The following IGLL5 variants were observed in gnomAD, a reference collection of about 807,000 sequenced individuals.
The protein encoded by IGLL5 is immunoglobulin lambda like polypeptide 5, also known as immunoglobulin lambda-like polypeptide 5.
A neutral mutation model predicts 20.9 loss-of-function variants in IGLL5; 30 were observed. That is an observed-to-expected ratio of 1.44 (90% confidence interval 1.07 to 1.95). The LOEUF (loss-of-function observed/expected upper bound fraction) is 1.95. Among genes scored for constraint, IGLL5 ranks in the 30% most tolerant of loss-of-function variants. The pLI, the probability that IGLL5 is intolerant of heterozygous loss-of-function variation, is 0.00. For synonymous variants in IGLL5, 203 were observed against 117.3 expected, an observed-to-expected ratio of 1.73 and a Z score of -4.72; for missense variants, 475 against 270.7, an observed-to-expected ratio of 1.75 and a Z score of -5.30.
At chr22:22,888,354 G>C (rs533017778) in intron 1 of IGLL5, 95 bp downstream of exon 1, 12 of 1,175,020 alleles carry the variant, frequency 1.0e-5, no homozygotes, top group Middle Eastern at 2.9e-4. Flanking sequence ...TGAGGAGGAA[G>C]GTTAACCCCT....
At chr22:22,894,132 T>C (rs746088542) in intron 2 of IGLL5, among the ~76,000 whole-genome samples, 1 of 151,482 alleles carries the variant, frequency 6.6e-6, no homozygotes, top group Admixed American at 6.6e-5. Context: ...GGCCCTGCAG[T>C]GTCCTTAGGG....
intron 1 of IGLL5, among the ~76,000 whole-genome samples, chr22:22,889,180 A>T (rs2067693813): frequency 6.6e-6 from 1 of 151,062 alleles, no homozygotes; most frequent in Admixed American, 6.6e-5. Flanking sequence ...GGTGATGGCC[A>T]AGTCCAGGGT....
At chr22:22,891,540 G>A (rs1225349273) in intron 1 of IGLL5, among the ~76,000 whole-genome samples, 1 of 151,144 alleles carries the variant, frequency 6.6e-6, no homozygotes, top group Admixed American at 6.6e-5. Context: ...TTGGACTGCA[G>A]AATTGGTTCT....
intron 2 of IGLL5, among the ~76,000 whole-genome samples, chr22:22,894,169 A>T (rs568876016): frequency 2.6e-5 from 4 of 151,462 alleles, no homozygotes; most frequent in Admixed American, 6.6e-5. Context: ...CCTGGGGTCA[A>T]GGACAGAGGC....
rs554150136 is a variant in IGLL5 at position 22,888,246 on chromosome 22, A to T, written c.193A>T (p.Ser65Cys). 1.9e-6 allele frequency: 3 copies of T among 1,547,710 alleles called. No individual in the cohort carries two copies. Among genetic ancestry groups the T allele is most frequent in the East Asian group, 2.5e-5 (1 of 40,604 alleles). ...TGGAAGCAGCCGATCCAGCCTGCGG[A>T]GCCTGTGGGGCAGGTAAGGGGCAAG... is the stretch of plus-strand genomic sequence containing the variant. ...SVGSSRSSLR[S>C]LWGRLLLQPS... The change falls in exon 1 of 3, where the codon AGC becomes TGC. Residue 65 changes from serine (S) to cysteine (C), a missense_variant. By Grantham distance (112) the Ser-to-Cys change is moderately radical. Transcript: ENST00000526893.
chr22:22,894,077 C>G (rs1601623258), intron 2 of IGLL5, among the ~76,000 whole-genome samples: 1 of 151,454 alleles, frequency 6.6e-6, no homozygotes, highest in Admixed American at 6.6e-5. Context: ...TCCTCTCTTC[C>G]AGGGCAGATG....
At chr22:22,892,923 G>A (rs957537097) in intron 1 of IGLL5, among the ~76,000 whole-genome samples, 2 of 151,046 alleles carry the variant, frequency 1.3e-5, no homozygotes, top group South Asian at 4.2e-4. Flanking sequence ...AGAGTGACTA[G>A]AAAGAAAACC....
intron 1 of IGLL5, among the ~76,000 whole-genome samples, chr22:22,888,644 C>A (rs1601602746): frequency 6.6e-6 from 1 of 151,316 alleles, no homozygotes; most frequent in East Asian, 2.0e-4. Flanking sequence ...CTCCTCCTCT[C>A]TGCCCATGTG....
In IGLL5 at chr22:22,895,826, A is replaced by C; in HGVS notation, c.*132A>C. On this transcript the variant is annotated 3_prime_UTR_variant, in exon 3 of 3. Coordinates refer to ENST00000526893, the MANE Select transcript of IGLL5 (RefSeq NM_001178126.2). Reference sequence around the variant, plus strand: ...AACCCCAATAAATATCCTCATTGACAACCAGAAATCTTGTTTTATCTCATT... The same window carrying C: ...AACCCCAATAAATATCCTCATTGACCACCAGAAATCTTGTTTTATCTCATT... 1 of 866,186 alleles carries C rather than the reference A, an allele frequency of 1.2e-6. No individual in the cohort carries two copies. Among genetic ancestry groups the C allele is most frequent in the Non-Finnish European group, 1.9e-6 (1 of 533,286 alleles). 53.7% of individuals were successfully genotyped at this position (866,186 alleles called of 1,614,324 possible).
At chr22:22,894,476 A>T (rs527669441) in intron 2 of IGLL5, among the ~76,000 whole-genome samples, 2 of 151,432 alleles carry the variant, frequency 1.3e-5, no homozygotes, top group Non-Finnish European at 2.9e-5. Flanking sequence ...GAAAGGAGAC[A>T]GTCTCTTAGG....
chr22:22,888,478 C>T (rs143875024), intron 1 of IGLL5, among the ~76,000 whole-genome samples: 8 of 151,334 alleles, frequency 5.3e-5, no homozygotes, highest in East Asian at 4.0e-4. Context: ...TTCTTGATTT[C>T]TGAGTTTTCT....
At chr22:22,894,196 G>C in intron 2 of IGLL5, among the ~76,000 whole-genome samples, 1 of 151,460 alleles carries the variant, frequency 6.6e-6, no homozygotes, top group Non-Finnish European at 1.5e-5. Flanking sequence ...GGTGGGCCTG[G>C]GAGCTGCTGA....
At position 22,888,108 on chromosome 22, in the gene IGLL5, G is replaced by C; in HGVS notation, c.55G>C (p.Gly19Arg). 1.9e-6 allele frequency: 3 copies of C among 1,549,488 alleles called. No individual in the cohort carries two copies. Among genetic ancestry groups the C allele is most frequent in the Non-Finnish European group, 2.6e-6 (3 of 1,146,676 alleles). The change falls in exon 1 of 3, where the codon GGT (glycine) becomes CGT (arginine). Residue 19 changes from glycine (G) to arginine (R), a missense_variant. Gly to Arg is a moderately radical substitution (Grantham distance 125). Coordinates refer to ENST00000526893, the MANE Select transcript of IGLL5 (RefSeq NM_001178126.2). The part of the protein sequence containing the change: ...GCETPEELGP[G>R]PRQRWPLLLL... ...TGAGACCCCTGAGGAGCTGGGCCCTGGTCCCAGGCAGCGCTGGCCCCTGCT... is the reference window on the plus strand; with the variant it reads ...TGAGACCCCTGAGGAGCTGGGCCCTCGTCCCAGGCAGCGCTGGCCCCTGCT...
intron 1 of IGLL5, 77 bp from the exon 2 acceptor site, chr22:22,893,623 G>A (rs1442044780): frequency 1.5e-5 from 13 of 839,572 alleles, no homozygotes; most frequent in East Asian, 8.0e-5. Context: ...ACACCTCTAG[G>A]GGGCTGGCCA....
In IGLL5 at chr22:22,893,821, A is replaced by T. The variant is rs111377910; in HGVS notation, c.325+3A>T. 12 of 1,589,224 alleles carry T rather than the reference A, an allele frequency of 7.6e-6. No homozygotes were observed. The highest frequency in any genetic ancestry group is 4.5e-5 in the East Asian group (2 of 44,524). On this transcript the variant is annotated splice_donor_region_variant and intron_variant, in intron 2 of 2. Coordinates refer to ENST00000526893, the MANE Select transcript of IGLL5 (RefSeq NM_001178126.2). The stretch of plus-strand genomic sequence containing the variant: ...TGGGACCAAGGTCACCGTCCTAGGT[A>T]AGTGGCTCTCAACCTTTCCCAGCCT...
intron 2 of IGLL5, among the ~76,000 whole-genome samples, chr22:22,894,532 G>C (rs139463253): frequency 2.0e-5 from 3 of 151,582 alleles, no homozygotes; most frequent in Non-Finnish European, 4.4e-5. Flanking sequence ...CTGGGGCCCA[G>C]TGTCTCTCTG....
chr22:22,888,170 G>T lies in IGLL5; in HGVS notation c.117G>T (p.Leu39=). 1.3e-6 allele frequency: 2 copies of T among 1,549,180 alleles called. No individual in the cohort carries two copies. Among genetic ancestry groups the T allele is most frequent in the Non-Finnish European group, 1.7e-6 (2 of 1,146,638 alleles). Residue 39 remains leucine, a synonymous_variant, in exon 1 of 3, where the codon CTG becomes CTT. Coordinates refer to ENST00000526893, the MANE Select transcript of IGLL5 (RefSeq NM_001178126.2). ...TGGCCATGGTCGCCCATGGCCTGCTGCGCCCAATGGTTGCACCGCAAAGCG... is the reference window on the plus strand; with the variant it reads ...TGGCCATGGTCGCCCATGGCCTGCTTCGCCCAATGGTTGCACCGCAAAGCG... ...LGLAMVAHGL[L]RPMVAPQSGD...
chr22:22,888,114 A>G lies in IGLL5; in HGVS notation c.61A>G (p.Arg21Gly), dbSNP rs772487297. Residue 21 changes from arginine (R) to glycine (G), a missense_variant, in exon 1 of 3, where the codon AGG becomes GGG. Transcript: ENST00000526893. ...CCCTGAGGAGCTGGGCCCTGGTCCC[A>G]GGCAGCGCTGGCCCCTGCTGCTGCT... ...ETPEELGPGP[R>G]QRWPLLLLGL... 4 of 1,549,470 alleles carry G rather than the reference A, an allele frequency of 2.6e-6. No homozygotes were observed. The highest frequency in any genetic ancestry group is 1.4e-5 in the African/African-American group (1 of 72,848).
At chr22:22,893,617 C>T in intron 1 of IGLL5, 83 bp from the exon 2 acceptor site, 1 of 790,450 alleles carries the variant, frequency 1.3e-6, no homozygotes, top group Non-Finnish European at 2.1e-6. Context: ...ACAGGGACAC[C>T]TCTAGGGGGC....
Sources: gnomAD v4.1 joint callset for allele counts (sites outside exome capture counted in the v4.1 genomes callset) on GRCh38, gnomAD v4.1.1 for gene constraint, MANE v1.5 for transcripts, NCBI Gene and HGNC (gene_info 2026-07-23, HGNC 2026-07-21) for gene names.